Variants in LIMD1 observed in about 807,000 individuals in gnomAD.
LIMD1 encodes the protein LIM domain-containing protein 1.
In LIMD1, 23 loss-of-function variants were observed where a neutral mutation model predicts 58.4. The observed-to-expected ratio is 0.39, with a 90% CI of 0.28 to 0.56. The LOEUF (loss-of-function observed/expected upper bound fraction) is 0.56. LIMD1 is among the 20% of genes least tolerant of loss of function. The pLI is 0.57. For missense variants in LIMD1, 838 were observed against 855.5 expected (o/e 0.98, Z 0.25); for synonymous variants, 334 against 345.5 (o/e 0.97, Z 0.37).
intron 1 of LIMD1, among the ~76,000 whole-genome samples, chr3:45,629,548 A>T (rs1559518399): frequency 6.6e-6 from 1 of 152,142 alleles, no homozygotes; most frequent in Non-Finnish European, 1.5e-5. Context: ...GAGGACAGGC[A>T]CTTCTGCCTT....
Position 45,594,996 on chromosome 3 carries a change from C to T in LIMD1, c.117C>T (p.Pro39=), listed in dbSNP as rs1035668548. The part of the protein sequence containing the change: ...FRVDKGAGNN[P]EFEETRRVFA... Reference sequence around the variant, plus strand: ...TGGACAAGGGTGCAGGCAACAACCCCGAGTTTGAGGAAACTCGCAGGGTGT... The same window carrying T: ...TGGACAAGGGTGCAGGCAACAACCCTGAGTTTGAGGAAACTCGCAGGGTGT... Residue 39 remains proline (P), a synonymous_variant, in exon 1 of 8, where the codon CCC becomes CCT. Transcript: ENST00000273317. 2 of 1,614,040 alleles carry T rather than the reference C, an allele frequency of 1.2e-6. No individual in the cohort carries two copies. Among genetic ancestry groups the T allele is most frequent in the Non-Finnish European group, 1.7e-6 (2 of 1,180,042 alleles).
Position 45,665,525 on chromosome 3 carries a change from C to T in LIMD1, c.1511-125C>T, listed in dbSNP as rs1307665961. On this transcript the variant is annotated intron_variant, in intron 2 of 7. Transcript: ENST00000273317. ...GCATCTTTTAGGAACTGGAAAGTGT[C>T]ATTGACAGTTGGCGGTTTTTACGTG... The T allele has an allele frequency of 8.5e-6, 6 of 705,842 alleles. No homozygotes were observed. The East Asian group carries it at 1.6e-4, about 19-fold the overall frequency. 43.7% of individuals were successfully genotyped at this position (705,842 alleles called of 1,614,324 possible).
intron 2 of LIMD1, among the ~76,000 whole-genome samples, chr3:45,654,281 A>G (rs1051288600): frequency 6.6e-6 from 1 of 152,238 alleles, no homozygotes; most frequent in Non-Finnish European, 1.5e-5. Context: ...TCTCAGGGAG[A>G]TATTTTGGAA....
At chr3:45,600,382 C>CCAACTGGCAGTTGGCAT (rs1701399554) in intron 1 of LIMD1, among the ~76,000 whole-genome samples, 1 of 152,116 alleles carries the variant, frequency 6.6e-6, no homozygotes, top group Admixed American at 6.5e-5. Flanking sequence ...CTCAAGATGC[C>CCAACTGGCAGTTGGCAT]CAGTTTCCAG....
At chr3:45,672,375 C>G (rs1697596206) in intron 4 of LIMD1, among the ~76,000 whole-genome samples, 1 of 152,174 alleles carries the variant, frequency 6.6e-6, no homozygotes, top group South Asian at 2.1e-4. Context: ...CTTACCATCT[C>G]TTTCTCTTAA....
chr3:45,618,074 G>A (rs1174442428), intron 1 of LIMD1, among the ~76,000 whole-genome samples: 4 of 152,084 alleles, frequency 2.6e-5, no homozygotes, highest in Non-Finnish European at 5.9e-5. Flanking sequence ...ACTGCCTGAG[G>A]TCACTGACCT....
chr3:45,628,618 A>G (rs1046810892), intron 1 of LIMD1, among the ~76,000 whole-genome samples: 19 of 152,236 alleles, frequency 1.2e-4, no homozygotes, highest in African/African-American at 4.1e-4. Context: ...TAAACAGTTA[A>G]TCATCCACCT....
intron 2 of LIMD1, 130 bp from the exon 3 acceptor site, chr3:45,665,520 A>G (rs147993912): frequency 1.5e-6 from 1 of 676,432 alleles, no homozygotes; most frequent in African/African-American, 1.8e-5. Flanking sequence ...GGAACTGGAA[A>G]GTGTCATTGA....
chr3:45,636,072 C>A lies in LIMD1; in HGVS notation c.1409-78C>A, dbSNP rs78176910. On this transcript the variant is annotated intron_variant, in intron 1 of 7. Coordinates refer to ENST00000273317, the MANE Select transcript of LIMD1 (RefSeq NM_014240.3). ...GGCCATGGGGAGGGATGGTATTATG[C>A]TTTGTTCATTGGCTTTTTTATGACT... 3.0e-3 allele frequency: 4,775 copies of A among 1,599,582 alleles called. 121 individuals are homozygous for A. In the African/African-American group the frequency reaches 0.057, roughly 19 times the overall value.
intron 1 of LIMD1, among the ~76,000 whole-genome samples, chr3:45,611,783 G>A (rs1701526515): frequency 6.6e-6 from 1 of 152,186 alleles, no homozygotes; most frequent in Non-Finnish European, 1.5e-5. Flanking sequence ...CTTACACAGA[G>A]GCTCTTTGTT....
At chr3:45,674,299 C>T (rs1697636486) in intron 6 of LIMD1, 44 bp from the exon 7 acceptor site, 1 of 1,556,336 alleles carries the variant, frequency 6.4e-7, no homozygotes, top group African/African-American at 1.4e-5. Context: ...GACAGCCCCC[C>T]TAACAGGCCT....
In LIMD1 at chr3:45,653,301, A is replaced by C. The variant is rs1377393986; in HGVS notation, c.1511-12349A>C. Among the ~76,000 whole-genome samples the C allele has an allele frequency of 2.6e-5, 4 of 152,116 alleles. No homozygotes were observed. The East Asian group carries it at 5.8e-4, about 22-fold the overall frequency. On this transcript the variant is annotated intron_variant, in intron 2 of 7. Coordinates refer to ENST00000273317, the MANE Select transcript of LIMD1 (RefSeq NM_014240.3). ...TGGTGGGTGTCATTTGAGGAAACGG[A>C]AGGTCAGGTAGGGATGCTGGCAACA...
At chr3:45,676,226 A>G (rs141554237) in intron 7 of LIMD1, among the ~76,000 whole-genome samples, 162 of 152,182 alleles carry the variant, frequency 1.1e-3, no homozygotes, top group African/African-American at 3.6e-3. Context: ...TAGAAAACAG[A>G]GGGAGACTGT....
chr3:45,670,823 A>G (rs564037223), intron 4 of LIMD1, among the ~76,000 whole-genome samples: 16 of 152,260 alleles, frequency 1.1e-4, no homozygotes, highest in African/African-American at 3.9e-4. Context: ...GGACTTGAAA[A>G]CTTTTAGTGA....
Position 45,631,778 on chromosome 3 carries a change from G to A in LIMD1, c.1409-4372G>A, listed in dbSNP as rs868317477. Among the ~76,000 whole-genome samples the A allele has an allele frequency of 6.6e-5, 10 of 152,184 alleles. No homozygotes were observed. The South Asian group carries it at 1.0e-3, about 16-fold the overall frequency. On this transcript the variant is annotated intron_variant, in intron 1 of 7. Coordinates refer to ENST00000273317, the MANE Select transcript of LIMD1 (RefSeq NM_014240.3). ...GTTGTCAGAGCATCCACGTGAAGAC[G>A]CTGGCCACCCTGCCAGCATCTTATG...
At chr3:45,659,853 C>A (rs541711636) in intron 2 of LIMD1, among the ~76,000 whole-genome samples, 24 of 152,286 alleles carry the variant, frequency 1.6e-4, no homozygotes, top group Middle Eastern at 3.4e-3. Flanking sequence ...AGTTTCCCTT[C>A]CAGGGAGAGT....
At chr3:45,673,079 T>A (rs1697615294) in intron 5 of LIMD1, among the ~76,000 whole-genome samples, 1 of 151,926 alleles carries the variant, frequency 6.6e-6, no homozygotes, top group Admixed American at 6.6e-5. Context: ...ATCATATTTG[T>A]AGCTAGGCCT....
intron 2 of LIMD1, among the ~76,000 whole-genome samples, chr3:45,644,364 C>A (rs976698818): frequency 1.3e-5 from 2 of 152,182 alleles, no homozygotes; most frequent in Non-Finnish European, 2.9e-5. Context: ...CCTGAAAATG[C>A]TTACACATTT....
At chr3:45,627,269 G>A (rs1701676181) in intron 1 of LIMD1, among the ~76,000 whole-genome samples, 1 of 152,148 alleles carries the variant, frequency 6.6e-6, no homozygotes, top group Non-Finnish European at 1.5e-5. Context: ...GGGATAAGTA[G>A]AACCCCTGGA....
Sources: allele counts gnomAD v4.1 joint callset (sites outside exome capture counted in the v4.1 genomes callset), GRCh38; gene constraint gnomAD v4.1.1; transcripts MANE v1.5; gene names NCBI Gene and HGNC (gene_info 2026-07-23, HGNC 2026-07-21).